Variants in ERMP1 observed in about 807,000 individuals in gnomAD.
ERMP1 encodes Felix-ina.
Under a neutral mutation model 92.0 loss-of-function variants are expected in ERMP1, and 86 were observed. The ratio of observed to expected loss-of-function variants is 0.93; its 90% CI spans 0.79 to 1.12. ERMP1 has a LOEUF of 1.12. ERMP1 is among the 50% of genes most tolerant of loss of function. The probability of loss-of-function intolerance (pLI) is 0.00; values close to 1 mark genes in which losing one functional copy is unlikely to be tolerated. For synonymous variants in ERMP1, 530 were observed against 412.8 expected (o/e 1.28, Z -3.44); for missense variants, 1,342 against 1,116.3 (o/e 1.20, Z -2.88).
At chr9:5,790,150 G>A (rs1017126770) in intron 13 of ERMP1, among the ~76,000 whole-genome samples, 5 of 151,244 alleles carry the variant, frequency 3.3e-5, no homozygotes, top group Non-Finnish European at 7.4e-5. Flanking sequence ...GGGTTAATTG[G>A]TGGGAGTTAA....
Position 5,811,350 on chromosome 9 carries a change from A to G in ERMP1, c.1115-27T>C, listed in dbSNP as rs563237261. 3.6e-5 allele frequency: 54 copies of G among 1,507,084 alleles called. No individual in the cohort carries two copies. In the African/African-American group the frequency reaches 6.4e-4, roughly 18 times the overall value. The allele number at this position is 1,507,084 out of a possible 1,614,324, so 93.4% of individuals were successfully genotyped here. A position where few individuals can be genotyped will look rare whatever the true frequency, so the allele number is the denominator to read the frequency against. On this transcript the variant is annotated intron_variant, in intron 6 of 14. Transcript: ENST00000339450. ...TATTAGTAAAAACAAAAAAAAAAAG[A>G]AAGAAAAGGAAAAAGATAAAAAGGC...
At chr9:5,855,492 T>A (rs1343214417) in intron 6 of ERMP1, among the ~76,000 whole-genome samples, 1 of 152,254 alleles carries the variant, frequency 6.6e-6, no homozygotes, top group African/African-American at 2.4e-5. Flanking sequence ...AAGGATACTA[T>A]AGCAACAACA....
intron 4 of ERMP1, among the ~76,000 whole-genome samples, chr9:5,813,404 T>C (rs1400902765): frequency 6.6e-6 from 1 of 152,226 alleles, no homozygotes; most frequent in African/African-American, 2.4e-5. Flanking sequence ...TTTGTACATT[T>C]GTTTTCACTT....
chr9:5,842,275 T>A (rs931701005), intron 6 of ERMP1, among the ~76,000 whole-genome samples: 1 of 151,928 alleles, frequency 6.6e-6, no homozygotes, highest in Non-Finnish European at 1.5e-5. Context: ...GATTGGTGCA[T>A]TTACAAATCT....
At chr9:5,801,047 C>G (rs549177239) in intron 11 of ERMP1, 129 bp downstream of exon 11, 99 of 876,880 alleles carry the variant, frequency 1.1e-4, no homozygotes, top group Non-Finnish European at 1.5e-4. Context: ...GCCTTACACA[C>G]AAAAAAGGTG....
intron 6 of ERMP1, among the ~76,000 whole-genome samples, chr9:5,852,257 T>TG (rs936644712): frequency 6.1e-5 from 8 of 131,450 alleles, no homozygotes; most frequent in African/African-American, 2.0e-4. Context: ...AGAGTGTTTT[T>TG]TTTTGTTTTT....
intron 7 of ERMP1, 53 bp from the exon 8 acceptor site, chr9:5,810,284 T>C (rs1829042122): frequency 2.2e-6 from 3 of 1,361,318 alleles, no homozygotes; most frequent in Non-Finnish European, 3.1e-6. Flanking sequence ...AAATCAGTTA[T>C]ATAACCAGTC....
intron 10 of ERMP1, among the ~76,000 whole-genome samples, chr9:5,802,525 CA>C (rs536123383): frequency 1.8e-4 from 27 of 152,250 alleles, no homozygotes; most frequent in Admixed American, 1.8e-3. Context: ...GCTGAAATTA[CA>C]AGTGTGCACC....
intron 6 of ERMP1, among the ~76,000 whole-genome samples, chr9:5,850,405 C>CAAAAAAAAAAAAAAAAAAAAAA (rs59464514): frequency 2.5e-5 from 1 of 40,596 alleles, no homozygotes; most frequent in Non-Finnish European, 4.0e-5. Context: ...AACTCCGTCT[C>CAAAAAAAAAAAAAAAAAAAAAA]AAAAAAAAAA....
intron 6 of ERMP1, among the ~76,000 whole-genome samples, chr9:5,847,105 C>A (rs1268990484): frequency 6.6e-6 from 1 of 152,114 alleles, no homozygotes; most frequent in Admixed American, 6.5e-5. Context: ...GGAAGAGACG[C>A]CAGTAAATTG....
intron 6 of ERMP1, among the ~76,000 whole-genome samples, chr9:5,846,261 G>T (rs547995603): frequency 2.0e-5 from 3 of 152,322 alleles, no homozygotes; most frequent in Admixed American, 6.5e-5. Flanking sequence ...CAGATGGACA[G>T]TCTTACTGGA....
chr9:5,827,075 C>T (rs960019984), intron 2 of ERMP1, among the ~76,000 whole-genome samples: 3 of 152,190 alleles, frequency 2.0e-5, no homozygotes, highest in South Asian at 2.1e-4. Flanking sequence ...CTTCTACCAA[C>T]GACCTGGAAC....
chr9:5,844,279 G>C (rs993692519), intron 6 of ERMP1, among the ~76,000 whole-genome samples: 2 of 152,160 alleles, frequency 1.3e-5, no homozygotes, highest in South Asian at 4.1e-4. Context: ...TTGTTTGTTT[G>C]TTCGTTTGTT....
At chr9:5,854,642 T>C (rs1197455935) in intron 6 of ERMP1, among the ~76,000 whole-genome samples, 1 of 152,148 alleles carries the variant, frequency 6.6e-6, no homozygotes, top group Non-Finnish European at 1.5e-5. Context: ...GTAATTCTTG[T>C]GCCTCAGCCT....
chr9:5,842,387 C>G (rs1014723969), intron 6 of ERMP1, among the ~76,000 whole-genome samples: 5 of 150,562 alleles, frequency 3.3e-5, no homozygotes, highest in African/African-American at 4.9e-5. Context: ...CCGGCTTCAC[C>G]TCTCAACTGC....
chr9:5,833,602 G>A (rs543771250), upstream of ERMP1, among the ~76,000 whole-genome samples: 12 of 152,188 alleles, frequency 7.9e-5, no homozygotes, highest in East Asian at 1.9e-3. Flanking sequence ...AAAAATAATG[G>A]CTATTATTTA....
Position 5,805,719 on chromosome 9 carries a change from G to C in ERMP1, c.1615C>G (p.Leu539Val). 6.2e-7 allele frequency: 1 copy of C among 1,613,182 alleles called. No individual in the cohort carries two copies. Among genetic ancestry groups the C allele is most frequent in the South Asian group, 1.1e-5 (1 of 90,956 alleles). The part of the protein sequence containing the change: ...DISLFVHCCF[L>V]VTLTYQGLCS... ...AGTCCTTGGTAAGTGAGGGTAACAAGAAAACAGCAATGGACAAACAGCGAA... is the reference window on the plus strand; with the variant it reads ...AGTCCTTGGTAAGTGAGGGTAACAACAAAACAGCAATGGACAAACAGCGAA... The change falls in exon 9 of 15, where the codon CTT (leucine) becomes GTT (valine). Residue 539 changes from leucine to valine, a missense_variant. By Grantham distance (32) the Leu-to-Val change is conservative. Transcript: ENST00000339450.
At chr9:5,794,677 A>T (rs1828342422) in intron 13 of ERMP1, among the ~76,000 whole-genome samples, 1 of 152,208 alleles carries the variant, frequency 6.6e-6, no homozygotes, top group African/African-American at 2.4e-5. Flanking sequence ...TAAAAGACAC[A>T]ATCTGCCAAA....
chr9:5,791,986 T>G (rs1369491028), intron 13 of ERMP1, among the ~76,000 whole-genome samples: 1 of 152,030 alleles, frequency 6.6e-6, no homozygotes, highest in Admixed American at 6.6e-5. Flanking sequence ...TAATTGGAAA[T>G]GATGGGAGAG....
Sources: gnomAD v4.1 joint callset for allele counts (sites outside exome capture counted in the v4.1 genomes callset) on GRCh38, gnomAD v4.1.1 for gene constraint, MANE v1.5 for transcripts, NCBI Gene and HGNC (gene_info 2026-07-23, HGNC 2026-07-21) for gene names.